The following AUTS2 variants were observed in gnomAD, a reference collection of about 807,000 sequenced individuals.
AUTS2 encodes the protein autism susceptibility gene 2 protein.
Under a neutral mutation model 112.4 loss-of-function variants are expected in AUTS2, and 17 were observed. The observed-to-expected ratio is 0.15, with a 90% CI of 0.10 to 0.23. The LOEUF (loss-of-function observed/expected upper bound fraction) is 0.23. Among genes scored for constraint, AUTS2 ranks in the 10% least tolerant of loss-of-function variants. The probability of loss-of-function intolerance (pLI) is 1.00; values close to 1 mark genes in which losing one functional copy is unlikely to be tolerated. For synonymous variants in AUTS2, 751 were observed against 702.7 expected, an observed-to-expected ratio of 1.07 and a Z score of -1.09; for missense variants, 1,510 against 1,701.6, an observed-to-expected ratio of 0.89 and a Z score of 1.98.
intron 1 of AUTS2, among the ~76,000 whole-genome samples, chr7:69,670,591 A>G (rs10528353): frequency 1.5e-5 from 2 of 129,888 alleles, no homozygotes; most frequent in African/African-American, 2.9e-5. Flanking sequence ...AAAAAAAAAA[A>G]GCAGCTGGGT....
chr7:69,633,810 A>G (rs1416910270), intron 1 of AUTS2, among the ~76,000 whole-genome samples: 1 of 151,814 alleles, frequency 6.6e-6, no homozygotes, highest in Non-Finnish European at 1.5e-5. Context: ...TTTTTCTACT[A>G]TTGAGTTTTG....
At chr7:69,962,033 C>T (rs570762323) in intron 2 of AUTS2, among the ~76,000 whole-genome samples, 12 of 152,158 alleles carry the variant, frequency 7.9e-5, no homozygotes, top group African/African-American at 2.9e-4. Context: ...TTTTGCTTGC[C>T]CTGATGATAC....
chr7:70,159,113 C>T (rs1033702389), intron 4 of AUTS2, among the ~76,000 whole-genome samples: 2 of 152,118 alleles, frequency 1.3e-5, no homozygotes, highest in Non-Finnish European at 1.5e-5. Flanking sequence ...TTGATGATTC[C>T]GCAGCTTTGT....
chr7:70,380,520 G>A (rs1243032963), intron 4 of AUTS2, among the ~76,000 whole-genome samples: 2 of 152,238 alleles, frequency 1.3e-5, no homozygotes, highest in African/African-American at 4.8e-5. Flanking sequence ...GATCTCAGGG[G>A]AGGGCTCCCA....
At chr7:70,482,484 G>A (rs550065904) in intron 5 of AUTS2, among the ~76,000 whole-genome samples, 16 of 152,282 alleles carry the variant, frequency 1.1e-4, no homozygotes, top group African/African-American at 3.4e-4. Flanking sequence ...GGAGTCACTG[G>A]ACATTTAGTA....
At chr7:70,365,102 T>G (rs910461958) in intron 4 of AUTS2, among the ~76,000 whole-genome samples, 2 of 152,192 alleles carry the variant, frequency 1.3e-5, no homozygotes, top group African/African-American at 2.4e-5. Context: ...AAAAAAATTC[T>G]TTCTGCTCTA....
intron 4 of AUTS2, among the ~76,000 whole-genome samples, chr7:70,174,701 C>T (rs1371357863): frequency 6.6e-6 from 1 of 152,122 alleles, no homozygotes; most frequent in Non-Finnish European, 1.5e-5. Context: ...CTGCCCTGTG[C>T]TCTAGAAATA....
chr7:70,764,223 G>A (rs1292540860), intron 7 of AUTS2, among the ~76,000 whole-genome samples: 2 of 152,144 alleles, frequency 1.3e-5, no homozygotes, highest in South Asian at 2.1e-4. Context: ...AGCCGGGCCC[G>A]GCTTCTGCCC....
At chr7:70,751,893 T>G (rs1159745445) in intron 6 of AUTS2, among the ~76,000 whole-genome samples, 1 of 127,302 alleles carries the variant, frequency 7.9e-6, no homozygotes, top group African/African-American at 3.5e-5. Flanking sequence ...CTAATTTTTG[T>G]TTTTTTTTTT....
chr7:70,172,602 A>G (rs1170151564), intron 4 of AUTS2, among the ~76,000 whole-genome samples: 1 of 152,124 alleles, frequency 6.6e-6, no homozygotes, highest in Non-Finnish European at 1.5e-5. Context: ...ATATTTTTTC[A>G]ATTTTTAATA....
intron 1 of AUTS2, among the ~76,000 whole-genome samples, chr7:69,707,840 C>A (rs536928127): frequency 6.6e-5 from 10 of 152,102 alleles, no homozygotes; most frequent in African/African-American, 2.2e-4. Flanking sequence ...ACATTTTAAC[C>A]CCATTTGGGC....
At chr7:69,986,231 G>A (rs1798509780) in intron 2 of AUTS2, among the ~76,000 whole-genome samples, 1 of 152,186 alleles carries the variant, frequency 6.6e-6, no homozygotes, top group Non-Finnish European at 1.5e-5. Context: ...CCTTAGGGAT[G>A]TTATTAACTG....
At chr7:70,313,672 T>A (rs1334878243) in intron 4 of AUTS2, among the ~76,000 whole-genome samples, 1 of 152,202 alleles carries the variant, frequency 6.6e-6, no homozygotes, top group Non-Finnish European at 1.5e-5. Context: ...TTAGTACTTG[T>A]AGCATCCATC....
chr7:70,546,308 G>A (rs1215401087), intron 5 of AUTS2, among the ~76,000 whole-genome samples: 1 of 152,124 alleles, frequency 6.6e-6, no homozygotes. Context: ...GCCAGACACA[G>A]TGGCTCACGC....
chr7:70,330,526 A>G (rs1790693693), intron 4 of AUTS2, among the ~76,000 whole-genome samples: 1 of 150,088 alleles, frequency 6.7e-6, no homozygotes, highest in South Asian at 2.1e-4. Flanking sequence ...TGATTACTAT[A>G]GGTTTGTAAT....
chr7:69,762,768 G>A (rs557132398), intron 1 of AUTS2, among the ~76,000 whole-genome samples: 109 of 152,244 alleles, frequency 7.2e-4, no homozygotes, highest in African/African-American at 2.5e-3. Context: ...TTAAAAAAAA[G>A]TAGTAAAGCA....
chr7:69,652,878 G>A (rs1375798471), intron 1 of AUTS2, among the ~76,000 whole-genome samples: 1 of 152,094 alleles, frequency 6.6e-6, no homozygotes, highest in Admixed American at 6.5e-5. Flanking sequence ...ACAACTTCAA[G>A]ACCCACAAGT....
intron 4 of AUTS2, among the ~76,000 whole-genome samples, chr7:70,341,304 G>A (rs1253618683): frequency 1.3e-5 from 2 of 152,184 alleles, no homozygotes; most frequent in African/African-American, 4.8e-5. Flanking sequence ...AGGCACAAAG[G>A]CACTGAGAAG....
chr7:70,570,287 T>G (rs1801884440), intron 5 of AUTS2, among the ~76,000 whole-genome samples: 1 of 152,232 alleles, frequency 6.6e-6, no homozygotes, highest in Non-Finnish European at 1.5e-5. Context: ...ATTTTGTAGG[T>G]GTTTCCTTCT....
Sources: allele counts gnomAD v4.1 joint callset (sites outside exome capture counted in the v4.1 genomes callset), GRCh38; gene constraint gnomAD v4.1.1; transcripts MANE v1.5; gene names NCBI Gene and HGNC (gene_info 2026-07-23, HGNC 2026-07-21).